MACROD2: variants seen among roughly 807,000 people sequenced by gnomAD.
MACROD2 encodes the protein ADP-ribose glycohydrolase MACROD2.
In MACROD2, 36 loss-of-function variants were observed where a neutral mutation model predicts 70.4. The ratio of observed to expected loss-of-function variants is 0.51; its 90% CI spans 0.39 to 0.68. The LOEUF (loss-of-function observed/expected upper bound fraction) is 0.68. Among genes scored for constraint, MACROD2 ranks in the 30% least tolerant of loss-of-function variants. The pLI is 0.00. For synonymous variants in MACROD2, 172 were observed against 178.8 expected, an observed-to-expected ratio of 0.96 and a Z score of 0.30; for missense variants, 496 against 538.4, an observed-to-expected ratio of 0.92 and a Z score of 0.78.
intron 3 of MACROD2, among the ~76,000 whole-genome samples, chr20:14,409,885 A>T (rs2083731260): frequency 6.6e-6 from 1 of 152,164 alleles, no homozygotes; most frequent in Admixed American, 6.6e-5. Flanking sequence ...TTTAGAAGAA[A>T]CATGAAAGTA....
intron 3 of MACROD2, among the ~76,000 whole-genome samples, chr20:14,312,953 A>G (rs1228389601): frequency 6.6e-6 from 1 of 152,238 alleles, no homozygotes; most frequent in Admixed American, 6.5e-5. Flanking sequence ...AGTATTTTAT[A>G]TAAATAGTAT....
At chr20:15,871,666 T>C (rs2064586264) in intron 9 of MACROD2, among the ~76,000 whole-genome samples, 1 of 152,192 alleles carries the variant, frequency 6.6e-6, no homozygotes, top group African/African-American at 2.4e-5. Flanking sequence ...CTTTCAGTGA[T>C]CTTTAAAGAA....
chr20:15,464,683 T>G (rs145708210), intron 7 of MACROD2, among the ~76,000 whole-genome samples: 38 of 152,356 alleles, frequency 2.5e-4, no homozygotes, highest in African/African-American at 7.5e-4. Flanking sequence ...CTGACCCTTA[T>G]GTACCTGTTC....
At chr20:14,983,650 G>T (rs1057126230) in intron 5 of MACROD2, among the ~76,000 whole-genome samples, 2 of 152,114 alleles carry the variant, frequency 1.3e-5, no homozygotes, top group Non-Finnish European at 2.9e-5. Flanking sequence ...CACCATGATT[G>T]TGAGGCCTCC....
intron 5 of MACROD2, among the ~76,000 whole-genome samples, chr20:15,096,943 A>G (rs996725506): frequency 6.6e-6 from 1 of 151,080 alleles, no homozygotes; most frequent in African/African-American, 2.4e-5. Context: ...TCCCAAGTAG[A>G]GGGAATTACA....
At chr20:15,523,275 A>G (rs1368304734) in intron 8 of MACROD2, among the ~76,000 whole-genome samples, 1 of 152,226 alleles carries the variant, frequency 6.6e-6, no homozygotes, top group Non-Finnish European at 1.5e-5. Flanking sequence ...GTCGTGGCAG[A>G]TAATTTGGGT....
intron 5 of MACROD2, among the ~76,000 whole-genome samples, chr20:14,750,231 A>G (rs1353125450): frequency 6.6e-6 from 1 of 152,106 alleles, no homozygotes; most frequent in Non-Finnish European, 1.5e-5. Context: ...TTATCATATA[A>G]ACTCATTTGA....
intron 8 of MACROD2, among the ~76,000 whole-genome samples, chr20:15,651,611 G>C (rs933246320): frequency 6.6e-6 from 1 of 152,206 alleles, no homozygotes; most frequent in Middle Eastern, 3.4e-3. Context: ...CAAAGAGGTG[G>C]CACCTGGAAA....
In MACROD2 at chr20:16,031,120, C is replaced by G. The variant is rs147695171; in HGVS notation, c.1154-10081C>G. Among the ~76,000 whole-genome samples, 937 of 151,426 alleles carry G rather than the reference C, an allele frequency of 6.2e-3. 12 individuals carry two copies. The highest frequency in any genetic ancestry group is 0.021 in the African/African-American group (873 of 41,212). ...GAGAAAATATTCACAATGTATTAGA[C>G]AGGGAAGGGTTAATTTTCTTAGTTT... On this transcript the variant is annotated intron_variant, in intron 15 of 17. Coordinates refer to ENST00000684519, the MANE Select transcript of MACROD2 (RefSeq NM_001351661.2).
chr20:15,126,111 CTTTTT>C lies in MACROD2; in HGVS notation c.419-103812_419-103808del, dbSNP rs5840654. ...TTGTTGGACATTTGGATTGTTTCAA[CTTTTT>C]TTTTTTTTTTTTTTTTGCTCTTATG... On this transcript the variant is annotated intron_variant, in intron 5 of 17. Coordinates refer to ENST00000684519, the MANE Select transcript of MACROD2 (RefSeq NM_001351661.2). 6.0e-3 allele frequency among the ~76,000 whole-genome samples: 590 copies of C among 98,760 alleles called. 3 individuals carry two copies. Among genetic ancestry groups the C allele is most frequent in the African/African-American group, 9.4e-3 (227 of 24,080 alleles). The allele number at this position is 98,760 out of a possible 152,430, so 64.8% of individuals were successfully genotyped here. A position where few individuals can be genotyped will look rare whatever the true frequency, so the allele number is the denominator to read the frequency against.
chr20:15,079,364 T>G (rs948512378), intron 5 of MACROD2, among the ~76,000 whole-genome samples: 2 of 152,074 alleles, frequency 1.3e-5, no homozygotes, highest in African/African-American at 4.8e-5. Context: ...TCTCCTTCAC[T>G]TCTCTTCTGG....
At chr20:15,785,403 T>G (rs1323839643) in intron 8 of MACROD2, among the ~76,000 whole-genome samples, 3 of 152,166 alleles carry the variant, frequency 2.0e-5, no homozygotes, top group Admixed American at 6.5e-5. Context: ...GAATATAGAT[T>G]CCCTCTCCCC....
At chr20:15,378,677 C>T (rs2045599560) in intron 6 of MACROD2, among the ~76,000 whole-genome samples, 1 of 152,046 alleles carries the variant, frequency 6.6e-6, no homozygotes, top group Middle Eastern at 3.4e-3. Context: ...TATTTACCAC[C>T]AAGATTAATG....
chr20:14,339,842 G>C (rs753048576), intron 3 of MACROD2, among the ~76,000 whole-genome samples: 41 of 152,250 alleles, frequency 2.7e-4, no homozygotes, highest in Admixed American at 5.9e-4. Context: ...CTATACTGGG[G>C]TACTGACTTT....
intron 5 of MACROD2, among the ~76,000 whole-genome samples, chr20:15,081,638 C>A: frequency 6.6e-6 from 1 of 152,122 alleles, no homozygotes. Context: ...GGAAGAGAGG[C>A]AGTTTCCCAA....
intron 4 of MACROD2, among the ~76,000 whole-genome samples, chr20:14,553,694 C>G (rs1213839228): frequency 2.6e-5 from 4 of 152,066 alleles, no homozygotes; most frequent in Non-Finnish European, 4.4e-5. Flanking sequence ...TGCAGTCCAT[C>G]AATGATCAAA....
At chr20:15,632,184 T>A (rs2049301279) in intron 8 of MACROD2, among the ~76,000 whole-genome samples, 1 of 150,378 alleles carries the variant, frequency 6.6e-6, no homozygotes, top group African/African-American at 2.4e-5. Context: ...AATAAATAAA[T>A]AAAAATAAAA....
intron 8 of MACROD2, among the ~76,000 whole-genome samples, chr20:15,855,444 A>G (rs1031892560): frequency 3.9e-5 from 6 of 152,174 alleles, no homozygotes; most frequent in African/African-American, 1.4e-4. Flanking sequence ...CTTGTAAAGG[A>G]CTTTTTTCAA....
At chr20:14,186,898 G>A (rs1486764325) in intron 3 of MACROD2, among the ~76,000 whole-genome samples, 1 of 152,092 alleles carries the variant, frequency 6.6e-6, no homozygotes, top group African/African-American at 2.4e-5. Context: ...TAAACATTAT[G>A]TACACATGGA....
Sources: allele counts gnomAD v4.1 joint callset (sites outside exome capture counted in the v4.1 genomes callset), GRCh38; gene constraint gnomAD v4.1.1; transcripts MANE v1.5; gene names NCBI Gene and HGNC (gene_info 2026-07-23, HGNC 2026-07-21).